Variants in GPHN observed in about 807,000 individuals in gnomAD.
The protein encoded by GPHN is gephyrin.
A neutral mutation model predicts 95.5 loss-of-function variants in GPHN; 17 were observed. The ratio of observed to expected loss-of-function variants is 0.18; its 90% CI spans 0.12 to 0.27. The LOEUF (loss-of-function observed/expected upper bound fraction) is 0.27, where lower values mean the gene tolerates loss of function less well. Among genes scored for constraint, GPHN ranks in the 10% least tolerant of loss-of-function variants. The probability of loss-of-function intolerance (pLI) is 1.00; values close to 1 mark genes in which losing one functional copy is unlikely to be tolerated. For synonymous variants in GPHN, 320 were observed against 322.5 expected (o/e 0.99, Z 0.08); for missense variants, 660 against 978.1 (o/e 0.67, Z 4.34).
chr14:67,010,912 T>C (rs562087205), intron 9 of GPHN, among the ~76,000 whole-genome samples: 114 of 152,242 alleles, frequency 7.5e-4, no homozygotes, highest in Admixed American at 2.0e-3. Flanking sequence ...GAAAAAAATA[T>C]ATGGGTTGAA....
At chr14:66,513,711 C>A (rs1056305128) in intron 1 of GPHN, among the ~76,000 whole-genome samples, 2 of 151,840 alleles carry the variant, frequency 1.3e-5, no homozygotes, top group East Asian at 3.9e-4. Context: ...ATATGAATGG[C>A]ATCTAATCTC....
rs552929698 is a variant in GPHN at position 66,889,482 on chromosome 14, C to A, written c.389+9449C>A. 3.0e-3 allele frequency among the ~76,000 whole-genome samples: 457 copies of A among 151,970 alleles called. 3 individuals are homozygous for A. Among genetic ancestry groups the A allele is most frequent in the African/African-American group, 0.011 (439 of 41,458 alleles). On this transcript the variant is annotated intron_variant, in intron 5 of 22. Coordinates refer to ENST00000478722, the MANE Select transcript of GPHN (RefSeq NM_020806.5). ...GACAGAAGGAAAACCGGAAAATTTA[C>A]AAATATGTGAAAATTAAACACACTC...
intron 4 of GPHN, among the ~76,000 whole-genome samples, chr14:66,858,532 G>A (rs533522346): frequency 1.3e-5 from 2 of 152,050 alleles, no homozygotes; most frequent in South Asian, 4.2e-4. Flanking sequence ...CATATAGTAT[G>A]CCATGTGCCT....
At chr14:66,660,433 T>G (rs1304427983) in intron 1 of GPHN, among the ~76,000 whole-genome samples, 1 of 152,224 alleles carries the variant, frequency 6.6e-6, no homozygotes, top group Non-Finnish European at 1.5e-5. Flanking sequence ...CCAAGAGTTC[T>G]TATTTTTTTG....
chr14:67,048,954 T>C (rs1048197227), intron 10 of GPHN, among the ~76,000 whole-genome samples: 22 of 152,236 alleles, frequency 1.4e-4, no homozygotes, highest in African/African-American at 5.3e-4. Flanking sequence ...AACTATTTTT[T>C]CTATCCAAAA....
chr14:67,386,846 C>G, the GPHN span: 2 of 152,446 alleles, frequency 1.3e-5, no homozygotes, highest in African/African-American at 4.8e-5. Flanking sequence ...GGCCACCATC[C>G]CCACTTTAAG....
At chr14:67,702,915 G>A in the GPHN span, among the ~76,000 whole-genome samples, 4 of 152,214 alleles carry the variant, frequency 2.6e-5, no homozygotes, top group African/African-American at 4.8e-5. Flanking sequence ...CCAGGCTCAA[G>A]TGATTCTCCC....
chr14:67,142,292 T>G (rs1184725486), intron 17 of GPHN, among the ~76,000 whole-genome samples: 2 of 152,200 alleles, frequency 1.3e-5, no homozygotes, highest in Non-Finnish European at 2.9e-5. Flanking sequence ...CCCAGTAGAT[T>G]TGTATGGATT....
intron 4 of GPHN, among the ~76,000 whole-genome samples, chr14:66,862,072 C>T (rs928468312): frequency 6.6e-6 from 1 of 151,622 alleles, no homozygotes; most frequent in Non-Finnish European, 1.5e-5. Context: ...GAAAGTTAAG[C>T]AAGATTGACA....
chr14:67,670,532 G>T, the GPHN span, among the ~76,000 whole-genome samples: 1 of 151,698 alleles, frequency 6.6e-6, no homozygotes, highest in African/African-American at 2.4e-5. Context: ...CTTTATTTTA[G>T]GATTAATCAC....
chr14:66,886,714 A>T (rs2064212835), intron 5 of GPHN, among the ~76,000 whole-genome samples: 1 of 152,150 alleles, frequency 6.6e-6, no homozygotes, highest in Admixed American at 6.5e-5. Flanking sequence ...AGATGGAAGA[A>T]AACTGAACAG....
At chr14:67,635,724 G>T in the GPHN span, among the ~76,000 whole-genome samples, 1 of 152,224 alleles carries the variant, frequency 6.6e-6, no homozygotes, top group South Asian at 2.1e-4. Flanking sequence ...GTGGTGGCAG[G>T]CACCTGTAAT....
the GPHN span, among the ~76,000 whole-genome samples, chr14:67,679,485 C>G: frequency 6.6e-6 from 1 of 150,822 alleles, no homozygotes; most frequent in African/African-American, 2.4e-5. Flanking sequence ...CTCACTGCAA[C>G]CTCCGCCTCC....
At chr14:67,566,943 G>A in the GPHN span, among the ~76,000 whole-genome samples, 2 of 152,056 alleles carry the variant, frequency 1.3e-5, no homozygotes, top group African/African-American at 4.8e-5. Context: ...AGGTATTAAG[G>A]GGATTAAGGT....
chr14:66,610,473 G>A (rs532700000), intron 1 of GPHN, among the ~76,000 whole-genome samples: 2 of 151,926 alleles, frequency 1.3e-5, no homozygotes, highest in Non-Finnish European at 2.9e-5. Flanking sequence ...TTCAAAGTAT[G>A]TTTGTTTACT....
intron 1 of GPHN, among the ~76,000 whole-genome samples, chr14:66,548,563 C>G (rs546947856): frequency 6.6e-6 from 1 of 152,128 alleles, no homozygotes; most frequent in Non-Finnish European, 1.5e-5. Context: ...ACTCTTCCAC[C>G]GACGAGCAGT....
the GPHN span, among the ~76,000 whole-genome samples, chr14:67,711,122 C>T: frequency 6.6e-6 from 1 of 152,176 alleles, no homozygotes; most frequent in Non-Finnish European, 1.5e-5. Context: ...AACCTTACTT[C>T]CTGTGGACTA....
At chr14:66,835,500 GC>G (rs1225804192) in intron 4 of GPHN, among the ~76,000 whole-genome samples, 3 of 151,558 alleles carry the variant, frequency 2.0e-5, no homozygotes, top group African/African-American at 7.3e-5. Flanking sequence ...TACTGAATGG[GC>G]AAAAACTGGA....
intron 1 of GPHN, among the ~76,000 whole-genome samples, chr14:66,523,324 A>G (rs899228754): frequency 9.9e-5 from 15 of 152,228 alleles, no homozygotes; most frequent in Non-Finnish European, 1.9e-4. Flanking sequence ...GATTCCCACA[A>G]TCAAGCTTAG....
Sources: allele counts gnomAD v4.1 joint callset (sites outside exome capture counted in the v4.1 genomes callset), GRCh38; gene constraint gnomAD v4.1.1; transcripts MANE v1.5; gene names NCBI Gene and HGNC (gene_info 2026-07-23, HGNC 2026-07-21).